Variants in ANKRD30B observed in about 807,000 individuals in gnomAD.
ANKRD30B encodes the protein ankyrin repeat domain-containing protein 30B.
Under a neutral mutation model 202.2 loss-of-function variants are expected in ANKRD30B, and 144 were observed. The observed-to-expected ratio is 0.71, with a 90% confidence interval of 0.62 to 0.82. ANKRD30B has a LOEUF of 0.82. ANKRD30B is among the 40% of genes least tolerant of loss of function. ANKRD30B has a pLI of 0.00. For missense variants in ANKRD30B, 1,487 were observed against 1,669.1 expected, an observed-to-expected ratio of 0.89 and a Z score of 1.90; for synonymous variants, 508 against 561.3, an observed-to-expected ratio of 0.91 and a Z score of 1.34.
chr18:14,809,958 T>C lies in ANKRD30B; in HGVS notation c.2387-28T>C, dbSNP rs779275222. 6 of 1,402,128 alleles carry C rather than the reference T, an allele frequency of 4.3e-6. No homozygotes were observed. In the South Asian group the frequency reaches 5.8e-5, roughly 14 times the overall value. 86.9% of individuals were successfully genotyped at this position (1,402,128 alleles called of 1,614,324 possible). On this transcript the variant is annotated intron_variant, in intron 26 of 43. Coordinates refer to ENST00000690538, the MANE Select transcript of ANKRD30B (RefSeq NM_001367607.2). ...TAGGCTTTGTCAGGCTTGCATATAATCAATTATATATGTCCCTTTTCTTTT... is the reference window on the plus strand; with the variant it reads ...TAGGCTTTGTCAGGCTTGCATATAACCAATTATATATGTCCCTTTTCTTTT...
At chr18:14,777,930 C>T (rs748748589) in intron 9 of ANKRD30B, 55 bp from the exon 10 acceptor site, 11 of 1,353,750 alleles carry the variant, frequency 8.1e-6, no homozygotes, top group Non-Finnish European at 1.1e-5. Flanking sequence ...GACTTCATCT[C>T]AAAAAAACAA....
chr18:14,766,532 C>T (rs1598586533), intron 7 of ANKRD30B, among the ~76,000 whole-genome samples: 2 of 119,968 alleles, frequency 1.7e-5, no homozygotes, highest in South Asian at 5.1e-4. Context: ...ATTGTCAGGT[C>T]AGCAGAGAAG....
At chr18:14,835,097 G>A (rs1024841498) in intron 34 of ANKRD30B, among the ~76,000 whole-genome samples, 2 of 151,632 alleles carry the variant, frequency 1.3e-5, no homozygotes, top group Non-Finnish European at 3.0e-5. Flanking sequence ...GTATAAATAA[G>A]CATTTTATTT....
At chr18:14,780,676 T>C in intron 11 of ANKRD30B, among the ~76,000 whole-genome samples, 1 of 152,274 alleles carries the variant, frequency 6.6e-6, no homozygotes, top group Non-Finnish European at 1.5e-5. Context: ...TATCTAGATG[T>C]ACAAAAGTTC....
chr18:14,910,491 AT>A, the ANKRD30B span, among the ~76,000 whole-genome samples: 3 of 150,102 alleles, frequency 2.0e-5, no homozygotes. Context: ...AAAAATATAT[AT>A]ATATATATAT....
At chr18:14,821,069 A>C (rs946980936) in intron 30 of ANKRD30B, among the ~76,000 whole-genome samples, 1 of 152,172 alleles carries the variant, frequency 6.6e-6, no homozygotes, top group African/African-American at 2.4e-5. Flanking sequence ...CAGAGATTCA[A>C]CTTCTTCCTG....
In ANKRD30B at chr18:14,847,066, ATATATATATATATATATATATATATAT is replaced by A. The variant is rs1205939951; in HGVS notation, c.3182-1649_3182-1623del. Among the ~76,000 whole-genome samples, 11 of 29,856 alleles carry A rather than the reference ATATATATATATATATATATATATATAT, an allele frequency of 3.7e-4. 2 individuals are homozygous for A. The South Asian group carries it at 8.6e-3, about 23-fold the overall frequency. The allele number at this position is 29,856 out of a possible 152,430, so 19.6% of individuals were successfully genotyped here. On this transcript the variant is annotated intron_variant, in intron 39 of 43. Transcript: ENST00000690538. ...GATTTAGTTTTATATATATATATAT[ATATATATATATATATATATATATATAT>A]GTATAATGTTTTTTAGTTATTGATC...
intron 40 of ANKRD30B, among the ~76,000 whole-genome samples, chr18:14,849,326 T>A (rs1171189809): frequency 6.6e-6 from 1 of 151,804 alleles, no homozygotes; most frequent in Non-Finnish European, 1.5e-5. Flanking sequence ...TAGGAATTTT[T>A]AAAAAGTTCT....
At chr18:14,892,985 G>C in the ANKRD30B span, among the ~76,000 whole-genome samples, 1 of 151,896 alleles carries the variant, frequency 6.6e-6, no homozygotes, top group Non-Finnish European at 1.5e-5. Context: ...CCACATATTA[G>C]GGTTAAGGAT....
the ANKRD30B span, among the ~76,000 whole-genome samples, chr18:14,871,627 C>T: frequency 0.52 from 79,349 of 151,236 alleles, 20,948 homozygotes; most frequent in African/African-American, 0.55. Flanking sequence ...CATGGTGGCT[C>T]ATGCCTGTAA....
chr18:14,894,963 C>G, the ANKRD30B span, among the ~76,000 whole-genome samples: 274 of 151,776 alleles, frequency 1.8e-3, no homozygotes, highest in Middle Eastern at 0.01. Flanking sequence ...AAAAGATGCT[C>G]AATATCATAG....
rs1426967114 is a variant in ANKRD30B, at chr18:14,842,899, T to G, written c.3082T>G (p.Ser1028Ala). ...AATAAATCTCTTTTGCTTTTTAGAGTCTCCTGAAAAGCCTTCTCACTTTGA... is the reference window on the plus strand; with the variant it reads ...AATAAATCTCTTTTGCTTTTTAGAGGCTCCTGAAAAGCCTTCTCACTTTGA... ...IKTTNGKIEE[S>A]PEKPSHFEPA... The change falls in exon 38 of 44, where the codon TCT (serine) becomes GCT (alanine). Residue 1028 changes from serine (S) to alanine (A), a missense_variant and splice_region_variant. Transcript: ENST00000690538. 1 of 1,548,190 alleles carries G rather than the reference T, an allele frequency of 6.5e-7. No individual in the cohort carries two copies. The highest frequency in any genetic ancestry group is 8.7e-7 in the Non-Finnish European group (1 of 1,145,014).
rs1912889060 is a variant in ANKRD30B, at chr18:14,748,709, G to A, written c.221+69G>A. The stretch of plus-strand genomic sequence containing the variant: ...GCTGTGGGAGGATCGCCCCTTCAGA[G>A]TGGTGGCTGGGGGTCCTGGGGACGA... On this transcript the variant is annotated intron_variant, in intron 1 of 43. Coordinates refer to ENST00000690538, the MANE Select transcript of ANKRD30B (RefSeq NM_001367607.2). The A allele has an allele frequency of 2.8e-6, 4 of 1,417,442 alleles. No homozygotes were observed. The Admixed American group carries it at 1.1e-4, about 37-fold the overall frequency. 87.8% of individuals were successfully genotyped at this position (1,417,442 alleles called of 1,614,324 possible). A position where few individuals can be genotyped will look rare whatever the true frequency, so the allele number is the denominator to read the frequency against.
At chr18:14,883,333 C>G in the ANKRD30B span, among the ~76,000 whole-genome samples, 3 of 100,594 alleles carry the variant, frequency 3.0e-5, 1 homozygote, top group South Asian at 6.5e-4. Flanking sequence ...CTCTCTCTCT[C>G]TGTCTCTCTC....
chr18:14,796,481 G>T (rs191615911), intron 18 of ANKRD30B, 66 bp downstream of exon 18: 3 of 1,459,224 alleles, frequency 2.1e-6, no homozygotes, highest in Admixed American at 2.5e-5. Context: ...ATGCCGAGAG[G>T]CTTTTATTCC....
At chr18:14,781,599 A>G (rs1967755382) in intron 11 of ANKRD30B, among the ~76,000 whole-genome samples, 1 of 149,956 alleles carries the variant, frequency 6.7e-6, no homozygotes, top group Non-Finnish European at 1.5e-5. Flanking sequence ...TGTTTAATGC[A>G]GTATGTATTT....
At chr18:14,798,224 C>A (rs1969055723) in intron 20 of ANKRD30B, among the ~76,000 whole-genome samples, 1 of 130,902 alleles carries the variant, frequency 7.6e-6, no homozygotes, top group South Asian at 2.4e-4. Flanking sequence ...CTGGATATAC[C>A]CGCATTTGTT....
At chr18:14,829,132 T>C (rs1383916818) in intron 33 of ANKRD30B, among the ~76,000 whole-genome samples, 3 of 152,172 alleles carry the variant, frequency 2.0e-5, no homozygotes, top group Non-Finnish European at 4.4e-5. Context: ...TCTTTTCTTC[T>C]ATTATTTTAT....
the ANKRD30B span, among the ~76,000 whole-genome samples, chr18:14,890,903 A>G: frequency 6.6e-6 from 1 of 152,142 alleles, no homozygotes; most frequent in Non-Finnish European, 1.5e-5. Context: ...AATAGTATTT[A>G]CAAAACATGT....
Sources: gnomAD v4.1 joint callset for allele counts (sites outside exome capture counted in the v4.1 genomes callset) on GRCh38, gnomAD v4.1.1 for gene constraint, MANE v1.5 for transcripts, NCBI Gene and HGNC (gene_info 2026-07-23, HGNC 2026-07-21) for gene names.